The following DAB1 variants were observed in gnomAD, a reference collection of about 807,000 sequenced individuals.
DAB1 encodes the protein disabled homolog 1.
DAB1 carries 15 observed loss-of-function variants against 64.6 expected under a neutral mutation model. The observed-to-expected ratio is 0.23, with a 90% CI of 0.16 to 0.36. DAB1 has a LOEUF of 0.36. DAB1 is among the 10% of genes least tolerant of loss of function. The probability of loss-of-function intolerance (pLI) is 1.00; values close to 1 mark genes in which losing one functional copy is unlikely to be tolerated. For synonymous variants in DAB1, 235 were observed against 251.9 expected (o/e 0.93, Z 0.64); for missense variants, 596 against 706.7 (o/e 0.84, Z 1.78).
At chr1:57,887,362 C>CTCAG (rs58296098), upstream of DAB1, among the ~76,000 whole-genome samples, 1 of 151,552 alleles carries the variant, frequency 6.6e-6, no homozygotes, top group African/African-American at 2.4e-5. Context: ...CAGGTACTCA[C>CTCAG]TGTCTATTAA....
intron 1 of DAB1, among the ~76,000 whole-genome samples, chr1:57,855,059 T>G (rs1467828859): frequency 1.3e-5 from 2 of 152,242 alleles, no homozygotes; most frequent in Admixed American, 1.3e-4. Flanking sequence ...TATTTCAGAA[T>G]GAATGAGCTT....
rs370650322 is a variant in DAB1, at chr1:57,460,878, A to T, written n.626-169712T>A. 3.3e-5 allele frequency among the ~76,000 whole-genome samples: 5 copies of T among 152,222 alleles called. No individual in the cohort carries two copies. In the East Asian group the frequency reaches 9.7e-4, roughly 29 times the overall value. On this transcript the variant is annotated intron_variant and non_coding_transcript_variant, in intron 7 of 20. Coordinates refer to the DAB1 transcript ENST00000485760. ...CTCTCCTCAAACTCTGCACAAATGT[A>T]CCTTATCTGATTTTTTTAAATTTAA...
chr1:58,243,641 G>A (rs747517859), intron 4 of DAB1, among the ~76,000 whole-genome samples: 19 of 152,180 alleles, frequency 1.2e-4, no homozygotes, highest in Admixed American at 3.3e-4. Flanking sequence ...GTTACACAGT[G>A]GCCCAAGACA....
intron 1 of DAB1, among the ~76,000 whole-genome samples, chr1:57,852,309 AC>A (rs67106850): frequency 0.018 from 2,681 of 152,056 alleles, 93 homozygotes; most frequent in African/African-American, 0.062. Flanking sequence ...CATTTTTCAT[AC>A]CCTTTTTTGT....
chr1:57,571,342 G>T (rs7527457), intron 7 of DAB1, among the ~76,000 whole-genome samples: 30,408 of 152,116 alleles, frequency 0.2, 3,406 homozygotes, highest in Non-Finnish European at 0.24. Flanking sequence ...AGCCCCCTGT[G>T]TTCTCCCTGC....
At chr1:57,383,640 G>A (rs1345969456) in intron 1 of DAB1, among the ~76,000 whole-genome samples, 2 of 152,158 alleles carry the variant, frequency 1.3e-5, no homozygotes, top group Non-Finnish European at 2.9e-5. Flanking sequence ...TTTGACAAGG[G>A]TTAAATTCAG....
chr1:58,537,934 C>T (rs11801938), intron 1 of DAB1, among the ~76,000 whole-genome samples: 20,464 of 151,996 alleles, frequency 0.13, 1,489 homozygotes, highest in African/African-American at 0.19. Flanking sequence ...GAGGACATAG[C>T]AGAAATCAGA....
rs145781867 is a variant in DAB1, at chr1:57,764,545, G to A, written n.552-114880C>T. 2.5e-3 allele frequency among the ~76,000 whole-genome samples: 381 copies of A among 152,260 alleles called. No individual in the cohort carries two copies. The Middle Eastern group carries it at 0.034, about 14-fold the overall frequency. ...CTTATTTCTGCTATCTGGCCAAAAT[G>A]TTGTATCTTTTAACAAATCTCTCCC... On this transcript the variant is annotated intron_variant and non_coding_transcript_variant, in intron 6 of 20. Coordinates refer to the DAB1 transcript ENST00000485760.
At chr1:57,473,875 A>C (rs924837427) in intron 7 of DAB1, among the ~76,000 whole-genome samples, 1 of 152,202 alleles carries the variant, frequency 6.6e-6, no homozygotes, top group African/African-American at 2.4e-5. Context: ...TAACCGTAAA[A>C]ATGTCTATTC....
Position 57,761,059 on chromosome 1 carries a change from A to C in DAB1, n.552-111394T>G, listed in dbSNP as rs969142380. Among the ~76,000 whole-genome samples the C allele has an allele frequency of 4.6e-5, 7 of 152,232 alleles. No homozygotes were observed. In the East Asian group the frequency reaches 1.3e-3, roughly 29 times the overall value. ...ATTCTCTAAGCTTCTTCAACTCCTAAATAAGGAACTTGGGTCAGATCTATG... is the reference window on the plus strand; with the variant it reads ...ATTCTCTAAGCTTCTTCAACTCCTACATAAGGAACTTGGGTCAGATCTATG... On this transcript the variant is annotated intron_variant and non_coding_transcript_variant, in intron 6 of 20. Coordinates refer to the DAB1 transcript ENST00000485760.
intron 1 of DAB1, among the ~76,000 whole-genome samples, chr1:57,412,734 A>G (rs192836706): frequency 6.6e-6 from 1 of 152,306 alleles, no homozygotes; most frequent in East Asian, 1.9e-4. Context: ...TTGAAGTTAG[A>G]AGACCTTGGT....
chr1:58,435,789 G>A (rs1644937426), intron 3 of DAB1, among the ~76,000 whole-genome samples: 2 of 152,174 alleles, frequency 1.3e-5, no homozygotes, highest in African/African-American at 4.8e-5. Flanking sequence ...TTATGCCTCA[G>A]GCTTAACTCA....
chr1:58,430,939 G>A (rs1045082699), intron 3 of DAB1, among the ~76,000 whole-genome samples: 8 of 152,182 alleles, frequency 5.3e-5, no homozygotes, highest in African/African-American at 1.7e-4. Context: ...ACACCTCACA[G>A]GTGAACGCAG....
At chr1:57,451,043 C>T (rs755186997) in intron 7 of DAB1, among the ~76,000 whole-genome samples, 12 of 152,194 alleles carry the variant, frequency 7.9e-5, no homozygotes, top group South Asian at 6.2e-4. Context: ...CAGATTTAAT[C>T]GCAGGTCATG....
At chr1:58,003,131 G>A (rs1475179317) in intron 5 of DAB1, among the ~76,000 whole-genome samples, 1 of 152,154 alleles carries the variant, frequency 6.6e-6, no homozygotes, top group East Asian at 1.9e-4. Context: ...TGAAACAGGG[G>A]TAACTGCCCT....
At chr1:58,199,033 G>A (rs1241051344) in intron 4 of DAB1, among the ~76,000 whole-genome samples, 2 of 152,156 alleles carry the variant, frequency 1.3e-5, no homozygotes, top group Non-Finnish European at 2.9e-5. Context: ...CTTAAACCTG[G>A]GAGGCAGAGG....
chr1:58,265,386 C>T lies in DAB1; in HGVS notation n.309+77966G>A, dbSNP rs12402953. On this transcript the variant is annotated intron_variant and non_coding_transcript_variant, in intron 4 of 20. Coordinates refer to the DAB1 transcript ENST00000485760. The stretch of plus-strand genomic sequence containing the variant: ...TTAGTGTAACTCTTTCAGTCTTCCT[C>T]ACTGGCCTGCTCTGTTCTCCAGCTG... 5.6e-3 allele frequency among the ~76,000 whole-genome samples: 855 copies of T among 152,338 alleles called. 21 individuals carry two copies. The East Asian group carries it at 0.065, about 12-fold the overall frequency.
At chr1:58,198,100 T>C (rs781152462) in intron 4 of DAB1, among the ~76,000 whole-genome samples, 22 of 152,314 alleles carry the variant, frequency 1.4e-4, no homozygotes, top group Non-Finnish European at 2.9e-4. Context: ...TCCCTTATCA[T>C]TGCTGATAGA....
intron 2 of DAB1, among the ~76,000 whole-genome samples, chr1:57,194,851 G>C (rs1224128531): frequency 1.3e-5 from 2 of 152,172 alleles, no homozygotes; most frequent in Non-Finnish European, 2.9e-5. Flanking sequence ...GCCATTGCTG[G>C]CCACAGCAAT....
Sources: gnomAD v4.1 joint callset for allele counts (sites outside exome capture counted in the v4.1 genomes callset) on GRCh38, gnomAD v4.1.1 for gene constraint, MANE v1.5 for transcripts, NCBI Gene and HGNC (gene_info 2026-07-23, HGNC 2026-07-21) for gene names.